The following ANKRD45 variants were observed in gnomAD, a reference collection of about 807,000 sequenced individuals.
ANKRD45 encodes ankyrin repeat domain-containing protein 45.
A neutral mutation model predicts 28.1 loss-of-function variants in ANKRD45; 21 were observed. The observed-to-expected ratio is 0.75, with a 90% CI of 0.53 to 1.08. The LOEUF (loss-of-function observed/expected upper bound fraction) is 1.08, where lower values mean the gene tolerates loss of function less well. Ranked by LOEUF, ANKRD45 falls within the 50% of genes least tolerant of loss-of-function variation. The pLI, the probability that ANKRD45 is intolerant of heterozygous loss-of-function variation, is 0.00. For missense variants in ANKRD45, 261 were observed against 308.7 expected (o/e 0.85, Z 1.16); for synonymous variants, 86 against 103.9 (o/e 0.83, Z 1.05).
At chr1:173,696,500 G>A in the ANKRD45 span, among the ~76,000 whole-genome samples, 2 of 152,178 alleles carry the variant, frequency 1.3e-5, no homozygotes, top group Non-Finnish European at 2.9e-5. Context: ...GGGCTAGCCA[G>A]TTATCCCAGT....
intron 5 of ANKRD45, among the ~76,000 whole-genome samples, chr1:173,617,288 T>A (rs1425848193): frequency 6.6e-6 from 1 of 152,166 alleles, no homozygotes; most frequent in Admixed American, 6.5e-5. Flanking sequence ...GGGCCCCACT[T>A]CCACGGCACT....
intron 5 of ANKRD45, among the ~76,000 whole-genome samples, chr1:173,622,128 C>T (rs1667733547): frequency 6.6e-6 from 1 of 152,074 alleles, no homozygotes. Flanking sequence ...TGAAGGAGAA[C>T]TACAAACCAC....
At chr1:173,701,426 C>T in the ANKRD45 span, among the ~76,000 whole-genome samples, 1 of 152,134 alleles carries the variant, frequency 6.6e-6, no homozygotes, top group Non-Finnish European at 1.5e-5. Flanking sequence ...ACCCAAATGT[C>T]CACCAATGAT....
chr1:173,694,719 C>T, the ANKRD45 span, among the ~76,000 whole-genome samples: 1 of 152,058 alleles, frequency 6.6e-6, no homozygotes, highest in Non-Finnish European at 1.5e-5. Context: ...CCTACCCACT[C>T]TTCCCCCTTC....
intron 3 of ANKRD45, among the ~76,000 whole-genome samples, chr1:173,643,266 C>T (rs1381120645): frequency 6.6e-6 from 1 of 151,072 alleles, no homozygotes; most frequent in Non-Finnish European, 1.5e-5. Flanking sequence ...CTCTGCCACC[C>T]TGGTTCAAGC....
intron 1 of ANKRD45, among the ~76,000 whole-genome samples, chr1:173,660,784 T>C (rs549364880): frequency 3.3e-5 from 5 of 152,274 alleles, no homozygotes; most frequent in East Asian, 1.9e-4. Context: ...CTGAGTGAGC[T>C]TGGAAGTAGA....
intron 2 of ANKRD45, among the ~76,000 whole-genome samples, chr1:173,654,559 C>G (rs935187452): frequency 2.6e-5 from 4 of 152,204 alleles, no homozygotes; most frequent in Non-Finnish European, 5.9e-5. Flanking sequence ...CTTGGTGAAT[C>G]TGACAATTAT....
At chr1:173,654,932 G>A (rs1316933575) in intron 2 of ANKRD45, among the ~76,000 whole-genome samples, 1 of 152,182 alleles carries the variant, frequency 6.6e-6, no homozygotes. Context: ...CTCCTGCCAT[G>A]ATTTTCAGCT....
At chr1:173,650,657 G>C (rs1460765909) in intron 2 of ANKRD45, among the ~76,000 whole-genome samples, 1 of 152,160 alleles carries the variant, frequency 6.6e-6, no homozygotes, top group Non-Finnish European at 1.5e-5. Flanking sequence ...TCTAGTTCTA[G>C]ATCCTTGAGG....
chr1:173,673,783 G>GA (rs1325011520), upstream of ANKRD45, among the ~76,000 whole-genome samples: 2 of 152,120 alleles, frequency 1.3e-5, no homozygotes, highest in African/African-American at 4.8e-5. Context: ...AAATATTAGA[G>GA]AAAATCTGCC....
At chr1:173,675,858 C>T in the ANKRD45 span, among the ~76,000 whole-genome samples, 1 of 152,122 alleles carries the variant, frequency 6.6e-6, no homozygotes, top group South Asian at 2.1e-4. Flanking sequence ...TTTACATAGG[C>T]ATTTAAATTG....
At chr1:173,613,127 A>G (rs1478998881) in intron 5 of ANKRD45, among the ~76,000 whole-genome samples, 3 of 149,514 alleles carry the variant, frequency 2.0e-5, no homozygotes, top group African/African-American at 7.5e-5. Flanking sequence ...CCCGGCCGCC[A>G]TCCTGTCTAG....
In ANKRD45 at chr1:173,649,223, C is replaced by T. The variant is rs560356988; in HGVS notation, c.329-2210G>A. Among the ~76,000 whole-genome samples the T allele has an allele frequency of 2.0e-5, 3 of 152,032 alleles. 1 individual carries two copies. Among genetic ancestry groups the T allele is most frequent in the African/African-American group, 7.2e-5 (3 of 41,480 alleles). On this transcript the variant is annotated intron_variant, in intron 2 of 5. Coordinates refer to ENST00000333279, the MANE Select transcript of ANKRD45 (RefSeq NM_198493.3). ...TCTTGTAAGCATGTGTGAGAGTTTC[C>T]CAAAGACATATATCTAGAAATGGAA... is the stretch of plus-strand genomic sequence containing the variant.
the ANKRD45 span, among the ~76,000 whole-genome samples, chr1:173,680,918 A>G: frequency 1.3e-5 from 2 of 151,110 alleles, no homozygotes; most frequent in African/African-American, 4.9e-5. Flanking sequence ...GAACAATGAG[A>G]ACACATGGAC....
chr1:173,627,749 G>A (rs12065133), intron 3 of ANKRD45, among the ~76,000 whole-genome samples: 25,507 of 151,668 alleles, frequency 0.17, 7,162 homozygotes, highest in African/African-American at 0.58. Context: ...AGGGATCAGA[G>A]CCAGTGGACT....
intron 1 of ANKRD45, among the ~76,000 whole-genome samples, chr1:173,664,910 A>G (rs1669943388): frequency 6.6e-6 from 1 of 152,074 alleles, no homozygotes; most frequent in South Asian, 2.1e-4. Context: ...TGGGTTCACA[A>G]TCCAATCCCT....
intron 2 of ANKRD45, among the ~76,000 whole-genome samples, chr1:173,648,781 G>A (rs1669045162): frequency 6.6e-6 from 1 of 152,214 alleles, no homozygotes; most frequent in South Asian, 2.1e-4. Context: ...CTTGAATAGT[G>A]TTAGGGACAC....
chr1:173,714,849 A>G, the ANKRD45 span: 6 of 152,220 alleles, frequency 3.9e-5, no homozygotes, highest in Non-Finnish European at 7.3e-5. Flanking sequence ...AAAGGGCACG[A>G]CTACTTCCGG....
Position 173,610,047 on chromosome 1 carries a change from T to G in ANKRD45, c.*98A>C. On this transcript the variant is annotated 3_prime_UTR_variant, in exon 6 of 6. Coordinates refer to ENST00000333279, the MANE Select transcript of ANKRD45 (RefSeq NM_198493.3). The stretch of plus-strand genomic sequence containing the variant: ...GCGATGTAATGTTGTACTTAAATAC[T>G]TAAAGAAACCCACATCTGTTTTCTC... 1 of 1,258,802 alleles carries G rather than the reference T, an allele frequency of 7.9e-7. No homozygotes were observed. The highest frequency in any genetic ancestry group is 1.1e-6 in the Non-Finnish European group (1 of 871,324). The allele number at this position is 1,258,802 out of a possible 1,614,324, so 78.0% of individuals were successfully genotyped here. A position where few individuals can be genotyped will look rare whatever the true frequency, so the allele number is the denominator to read the frequency against.
Sources: gnomAD v4.1 joint callset for allele counts (sites outside exome capture counted in the v4.1 genomes callset) on GRCh38, gnomAD v4.1.1 for gene constraint, MANE v1.5 for transcripts, NCBI Gene and HGNC (gene_info 2026-07-23, HGNC 2026-07-21) for gene names.